The following KCNIP4 variants were observed in gnomAD, a reference collection of about 807,000 sequenced individuals.
KCNIP4 encodes potassium voltage-gated channel interacting protein 4.
KCNIP4 carries 12 observed loss-of-function variants against 34.0 expected under a neutral mutation model. That is an observed-to-expected ratio of 0.35 (90% CI 0.23 to 0.57). The LOEUF (loss-of-function observed/expected upper bound fraction) is 0.57, where lower values mean the gene tolerates loss of function less well. Ranked by LOEUF, KCNIP4 falls within the 20% of genes least tolerant of loss-of-function variation. The pLI, the probability that KCNIP4 is intolerant of heterozygous loss-of-function variation, is 0.83. For missense variants in KCNIP4, 238 were observed against 311.7 expected (o/e 0.76, Z 1.78); for synonymous variants, 124 against 102.2 (o/e 1.21, Z -1.29).
intron 1 of KCNIP4, among the ~76,000 whole-genome samples, chr4:20,887,530 A>G (rs1725444194): frequency 6.6e-6 from 1 of 152,144 alleles, no homozygotes; most frequent in South Asian, 2.1e-4. Flanking sequence ...TACAAGGGTC[A>G]AATAATGTAA....
intron 1 of KCNIP4, among the ~76,000 whole-genome samples, chr4:20,974,552 A>G (rs1363665047): frequency 2.0e-5 from 3 of 152,098 alleles, no homozygotes; most frequent in South Asian, 2.1e-4. Flanking sequence ...GGTTTTTTCA[A>G]TTGCCAGTGG....
intron 3 of KCNIP4, among the ~76,000 whole-genome samples, chr4:20,763,890 G>T (rs891027223): frequency 6.6e-6 from 1 of 152,094 alleles, no homozygotes. Flanking sequence ...AAGTCATTTA[G>T]CAGTATAAAT....
At chr4:21,411,392 A>C (rs1478976163) in intron 1 of KCNIP4, among the ~76,000 whole-genome samples, 1 of 152,184 alleles carries the variant, frequency 6.6e-6, no homozygotes, top group Non-Finnish European at 1.5e-5. Flanking sequence ...ATGATGGAAA[A>C]TCTACCCATG....
At chr4:21,859,904 C>T (rs1724974293) in intron 1 of KCNIP4, among the ~76,000 whole-genome samples, 1 of 151,452 alleles carries the variant, frequency 6.6e-6, no homozygotes, top group Non-Finnish European at 1.5e-5. Flanking sequence ...GATGCTGGTG[C>T]ATGCCTGTAG....
At position 21,124,119 on chromosome 4, in the gene KCNIP4, T is replaced by A. The variant is rs1436323229; in HGVS notation, c.62-241410A>T. Among the ~76,000 whole-genome samples, 5 of 152,038 alleles carry A rather than the reference T, an allele frequency of 3.3e-5. No homozygotes were observed. The East Asian group carries it at 5.8e-4, about 18-fold the overall frequency. On this transcript the variant is annotated intron_variant, in intron 1 of 8. Transcript: ENST00000382152. ...GGACACTGTTTTACATTTTTAAAAA[T>A]ATATATATTTTTTGTTCTGGTTTAA...
At chr4:20,800,698 T>C (rs545364204) in intron 3 of KCNIP4, among the ~76,000 whole-genome samples, 2 of 152,274 alleles carry the variant, frequency 1.3e-5, no homozygotes, top group South Asian at 2.1e-4. Context: ...TTCTGTGAAC[T>C]TGAAGATAGG....
chr4:20,807,630 A>T (rs909093470), intron 3 of KCNIP4, among the ~76,000 whole-genome samples: 2 of 152,140 alleles, frequency 1.3e-5, no homozygotes, highest in African/African-American at 4.8e-5. Flanking sequence ...AATGGTTATT[A>T]TGAGATGAAA....
At chr4:20,800,136 G>A (rs1310588131) in intron 3 of KCNIP4, among the ~76,000 whole-genome samples, 1 of 152,162 alleles carries the variant, frequency 6.6e-6, no homozygotes, top group African/African-American at 2.4e-5. Context: ...AATTCCTGTA[G>A]CCTAGACCAC....
At chr4:21,754,315 C>G (rs984205400) in intron 1 of KCNIP4, among the ~76,000 whole-genome samples, 4 of 152,184 alleles carry the variant, frequency 2.6e-5, no homozygotes. Flanking sequence ...CAGCCCTTAC[C>G]ACTACCGGAC....
chr4:21,419,644 G>A (rs1725282251), intron 1 of KCNIP4, among the ~76,000 whole-genome samples: 1 of 152,048 alleles, frequency 6.6e-6, no homozygotes, highest in African/African-American at 2.4e-5. Flanking sequence ...ATTTATCATT[G>A]TTGATTTTCT....
At chr4:21,326,601 C>G (rs913900104) in intron 1 of KCNIP4, among the ~76,000 whole-genome samples, 1 of 151,042 alleles carries the variant, frequency 6.6e-6, no homozygotes, top group Non-Finnish European at 1.5e-5. Context: ...GTCGTCTACT[C>G]TGTCTTTTGA....
intron 1 of KCNIP4, among the ~76,000 whole-genome samples, chr4:21,351,417 C>T (rs538368075): frequency 2.6e-5 from 4 of 152,234 alleles, no homozygotes; most frequent in South Asian, 4.2e-4. Flanking sequence ...TGCCTGCTGC[C>T]ATATAAGACA....
chr4:20,899,362 G>C (rs1183011660), intron 1 of KCNIP4, among the ~76,000 whole-genome samples: 6 of 152,138 alleles, frequency 3.9e-5, no homozygotes, highest in Non-Finnish European at 8.8e-5. Context: ...TATTGTCCTT[G>C]AAAACAGGCC....
rs1553881372 is a variant in KCNIP4 at position 20,729,350 on chromosome 4, C to CTGTAAGAAAGAT, written c.*720_*731dup. 1 of 152,078 alleles carries CTGTAAGAAAGAT rather than the reference C, an allele frequency of 6.6e-6. No homozygotes were observed. Among genetic ancestry groups the CTGTAAGAAAGAT allele is most frequent in the Non-Finnish European group, 1.5e-5 (1 of 67,962 alleles). 9.4% of individuals were successfully genotyped at this position (152,078 alleles called of 1,614,324 possible). On this transcript the variant is annotated 3_prime_UTR_variant, in exon 9 of 9. Coordinates refer to ENST00000382152, the MANE Select transcript of KCNIP4 (RefSeq NM_025221.6). ...AATGATTGATACAATAGAAAACAGC[C>CTGTAAGAAAGAT]TGTAAGAAAGATTGAACAAATCCAA...
chr4:21,433,510 T>C (rs1726681914), intron 1 of KCNIP4, among the ~76,000 whole-genome samples: 2 of 152,234 alleles, frequency 1.3e-5, no homozygotes, highest in African/African-American at 4.8e-5. Flanking sequence ...CACACCTAGC[T>C]AACCCGCAAT....
At chr4:21,549,068 T>C (rs987101645) in intron 1 of KCNIP4, among the ~76,000 whole-genome samples, 2 of 151,838 alleles carry the variant, frequency 1.3e-5, no homozygotes, top group African/African-American at 4.8e-5. Context: ...CCAGGCCAAA[T>C]GTCCCCTGGG....
chr4:21,816,656 CCT>C (rs1722006381), intron 1 of KCNIP4, among the ~76,000 whole-genome samples: 1 of 152,160 alleles, frequency 6.6e-6, no homozygotes, highest in Non-Finnish European at 1.5e-5. Flanking sequence ...TTCCTGCCAT[CCT>C]CTGATGAGGA....
In KCNIP4 at chr4:20,802,174, CTA is replaced by C. The variant is rs746816500; in HGVS notation, c.289-43286_289-43285del. On this transcript the variant is annotated intron_variant, in intron 3 of 8. Transcript: ENST00000382152. ...ATATGCTATATATATGCTATATATG[CTA>C]TATATATGCTATATATATGCTATAT... Among the ~76,000 whole-genome samples, 1,027 of 120,276 alleles carry C rather than the reference CTA, an allele frequency of 8.5e-3. 7 individuals are homozygous for C. Among genetic ancestry groups the C allele is most frequent in the South Asian group, 0.025 (86 of 3,494 alleles). The allele number at this position is 120,276 out of a possible 152,430, so 78.9% of individuals were successfully genotyped here.
At chr4:21,113,149 G>A (rs888994447) in intron 1 of KCNIP4, among the ~76,000 whole-genome samples, 2 of 152,184 alleles carry the variant, frequency 1.3e-5, no homozygotes, top group Admixed American at 6.5e-5. Context: ...ACAGCAGGGA[G>A]ATGAGGCTTG....
Sources: allele counts gnomAD v4.1 joint callset (sites outside exome capture counted in the v4.1 genomes callset), GRCh38; gene constraint gnomAD v4.1.1; transcripts MANE v1.5; gene names NCBI Gene and HGNC (gene_info 2026-07-23, HGNC 2026-07-21).